KLF8: variants seen among roughly 807,000 people sequenced by gnomAD.
KLF8 encodes KLF transcription factor 8.
In KLF8, 10 loss-of-function variants were observed where a neutral mutation model predicts 18.2. The ratio of observed to expected loss-of-function variants is 0.55; its 90% CI spans 0.34 to 0.93. The LOEUF (loss-of-function observed/expected upper bound fraction) is 0.93. Ranked by LOEUF, KLF8 falls within the 40% of genes least tolerant of loss-of-function variation. The probability of loss-of-function intolerance (pLI) is 0.02; values close to 1 mark genes in which losing one functional copy is unlikely to be tolerated. For synonymous variants in KLF8, 109 were observed against 97.3 expected (o/e 1.12, Z -0.71); for missense variants, 264 against 277.9 (o/e 0.95, Z 0.36).
chrX:56,200,836 A>G, the KLF8 span, among the ~76,000 whole-genome samples: 1 of 111,985 alleles, frequency 8.9e-6, no homozygotes, highest in Non-Finnish European at 1.9e-5. Flanking sequence ...CAAAGAAAAC[A>G]TACAAATAGT....
chrX:56,239,644 A>G (rs2066519284), intron 1 of KLF8, among the ~76,000 whole-genome samples: 2 of 111,894 alleles, frequency 1.8e-5, no homozygotes, highest in Admixed American at 1.9e-4. Context: ...TTATCATCAG[A>G]AAGTTCCCCT....
chrX:56,139,018 C>T, the KLF8 span, among the ~76,000 whole-genome samples: 2 of 111,105 alleles, frequency 1.8e-5, no homozygotes, highest in East Asian at 2.8e-4. Flanking sequence ...ACACCAAAAA[C>T]ACCCAAGCTG....
chrX:56,064,146 T>C, the KLF8 span, among the ~76,000 whole-genome samples: 2 of 101,313 alleles, frequency 2.0e-5, no homozygotes, highest in Non-Finnish European at 3.8e-5. Context: ...TACATATATA[T>C]GTGTGTGTGT....
At chrX:56,231,875 C>T (rs1430019572), upstream of KLF8, among the ~76,000 whole-genome samples, 1 of 110,422 alleles carries the variant, frequency 9.1e-6, no homozygotes, top group Admixed American at 9.7e-5. Context: ...TCTTCAACTC[C>T]TTCTTCTTCC....
the KLF8 span, among the ~76,000 whole-genome samples, chrX:56,159,711 T>C: frequency 8.9e-6 from 1 of 112,227 alleles, no homozygotes; most frequent in Non-Finnish European, 1.9e-5. Context: ...GTAGTTTGTA[T>C]TTCTGTGGGA....
chrX:55,932,444 A>G, the KLF8 span, among the ~76,000 whole-genome samples: 2 of 111,256 alleles, frequency 1.8e-5, no homozygotes, highest in Non-Finnish European at 3.8e-5. Flanking sequence ...CCGTTAGTTG[A>G]TGCATTTTCT....
the KLF8 span, among the ~76,000 whole-genome samples, chrX:56,192,933 A>C: frequency 8.9e-6 from 1 of 112,544 alleles, no homozygotes; most frequent in Admixed American, 9.4e-5. Context: ...ATTTCTTACT[A>C]CACAAACACA....
chrX:56,055,665 G>A, the KLF8 span, among the ~76,000 whole-genome samples: 1 of 111,971 alleles, frequency 8.9e-6, no homozygotes, highest in African/African-American at 3.2e-5. Context: ...TGTTTTCCAA[G>A]TTGTTTACAC....
chrX:55,935,716 A>G, the KLF8 span, among the ~76,000 whole-genome samples: 1 of 112,483 alleles, frequency 8.9e-6, no homozygotes, highest in East Asian at 2.8e-4. Flanking sequence ...AACTTTTATA[A>G]GACTTAAAAA....
chrX:56,050,011 C>G, the KLF8 span, among the ~76,000 whole-genome samples: 1 of 111,211 alleles, frequency 9.0e-6, no homozygotes, highest in East Asian at 2.8e-4. Flanking sequence ...TGTATGTGTC[C>G]AGGAATTTAC....
chrX:56,006,022 C>T, the KLF8 span, among the ~76,000 whole-genome samples: 1 of 112,681 alleles, frequency 8.9e-6, no homozygotes, highest in Middle Eastern at 4.2e-3. Flanking sequence ...TCAGGTTACA[C>T]TGGCCCCATC....
At chrX:56,092,613 C>G in the KLF8 span, among the ~76,000 whole-genome samples, 1 of 111,055 alleles carries the variant, frequency 9.0e-6, no homozygotes, top group Admixed American at 9.6e-5. Flanking sequence ...TGTTGGTTCT[C>G]TATTCTGTTC....
At chrX:56,152,144 C>A in the KLF8 span, among the ~76,000 whole-genome samples, 11 of 111,489 alleles carry the variant, frequency 9.9e-5, no homozygotes, top group African/African-American at 3.6e-4. Context: ...AAGAATATAT[C>A]CTCTTTATTT....
intron 1 of KLF8, among the ~76,000 whole-genome samples, chrX:56,234,081 A>T (rs1310468212): frequency 9.1e-6 from 1 of 109,553 alleles, no homozygotes; most frequent in Non-Finnish European, 1.9e-5. Context: ...TTTTTTTTTT[A>T]ACCCTAAGAA....
the KLF8 span, among the ~76,000 whole-genome samples, chrX:56,201,764 A>G: frequency 2.7e-5 from 3 of 111,450 alleles, no homozygotes; most frequent in African/African-American, 9.8e-5. Context: ...TGTCAATCAT[A>G]CCTCAATAAT....
the KLF8 span, among the ~76,000 whole-genome samples, chrX:55,939,061 G>T: frequency 9.2e-6 from 1 of 109,139 alleles, no homozygotes; most frequent in Non-Finnish European, 1.9e-5. Context: ...CCCCAAATCA[G>T]CAGAATATAC....
chrX:56,077,053 A>T, the KLF8 span, among the ~76,000 whole-genome samples: 1 of 111,697 alleles, frequency 9.0e-6, no homozygotes, highest in Non-Finnish European at 1.9e-5. Context: ...CCTTTGTCAG[A>T]TGAGTAGGTT....
chrX:56,269,784 G>A (rs1275093496), intron 4 of KLF8, among the ~76,000 whole-genome samples: 1 of 112,502 alleles, frequency 8.9e-6, no homozygotes, highest in Admixed American at 9.4e-5. Flanking sequence ...CTCTCTGTAA[G>A]TTTAAAACAG....
the KLF8 span, among the ~76,000 whole-genome samples, chrX:55,920,951 AC>A: frequency 8.9e-6 from 1 of 112,202 alleles, no homozygotes; most frequent in African/African-American, 3.2e-5. Context: ...TCAAGGCAAT[AC>A]CGTTCAGAAC....
Sources: allele counts gnomAD v4.1 joint callset (sites outside exome capture counted in the v4.1 genomes callset), GRCh38; gene constraint gnomAD v4.1.1; transcripts MANE v1.5; gene names NCBI Gene and HGNC (gene_info 2026-07-23, HGNC 2026-07-21).